Variants in TAFA5 observed in about 807,000 individuals in gnomAD.
TAFA5 encodes the protein chemokine-like protein TAFA-5.
TAFA5 carries 6 observed loss-of-function variants against 15.3 expected under a neutral mutation model. That is an observed-to-expected ratio of 0.39 (90% CI 0.21 to 0.77). The LOEUF (loss-of-function observed/expected upper bound fraction) is 0.77. TAFA5 is among the 30% of genes least tolerant of loss of function. The pLI is 0.41. For missense variants in TAFA5, 161 were observed against 193.1 expected, an observed-to-expected ratio of 0.83 and a Z score of 0.98; for synonymous variants, 103 against 80.7, an observed-to-expected ratio of 1.28 and a Z score of -1.48.
At chr22:48,596,514 A>G (rs1924768801) in intron 1 of TAFA5, among the ~76,000 whole-genome samples, 1 of 152,214 alleles carries the variant, frequency 6.6e-6, no homozygotes, top group Non-Finnish European at 1.5e-5. Flanking sequence ...TTGTAGGGTT[A>G]CAGAAAAATG....
intron 1 of TAFA5, among the ~76,000 whole-genome samples, chr22:48,536,385 C>T (rs567939330): frequency 2.7e-4 from 41 of 152,334 alleles, no homozygotes; most frequent in African/African-American, 9.6e-4. Flanking sequence ...CCATAAAAGA[C>T]GAGCCCGGAG....
chr22:48,563,492 T>C (rs777803971), intron 1 of TAFA5, among the ~76,000 whole-genome samples: 3 of 152,130 alleles, frequency 2.0e-5, no homozygotes, highest in African/African-American at 2.4e-5. Flanking sequence ...GCGGGTGGCG[T>C]GTGGGGCTCC....
intron 1 of TAFA5, among the ~76,000 whole-genome samples, chr22:48,604,552 T>G (rs1260575944): frequency 1.3e-5 from 2 of 152,220 alleles, no homozygotes; most frequent in Non-Finnish European, 2.9e-5. Flanking sequence ...TTGGGAGGAC[T>G]CCTGGGCTCT....
At position 48,742,926 on chromosome 22, in the gene TAFA5, T is replaced by C. The variant is rs1291345088; in HGVS notation, c.391-6913T>C. 6.6e-6 allele frequency among the ~76,000 whole-genome samples: 1 copy of C among 152,106 alleles called. No homozygotes were observed. Among genetic ancestry groups the C allele is most frequent in the African/African-American group, 2.4e-5 (1 of 41,424 alleles). ...ACGCGGGGCCCCCACAGTGCGGACA[T>C]GTTGGGGCAATGCTGCCTGGCCCCG... On this transcript the variant is annotated intron_variant, in intron 3 of 3. Coordinates refer to ENST00000402357, the MANE Select transcript of TAFA5 (RefSeq NM_001082967.3). The surrounding 1 kb of genome is among the most constrained non-coding windows in gnomAD (Gnocchi z 6.2).
At chr22:48,545,154 A>ACACT (rs1160746050) in intron 1 of TAFA5, 2 of 334,462 alleles carry the variant, frequency 6.0e-6, no homozygotes, top group African/African-American at 4.3e-5. Flanking sequence ...TTTGTGGGAG[A>ACACT]CACTATTCTC....
intron 1 of TAFA5, among the ~76,000 whole-genome samples, chr22:48,535,353 G>A (rs1448947546): frequency 6.6e-6 from 1 of 152,210 alleles, no homozygotes; most frequent in Non-Finnish European, 1.5e-5. Flanking sequence ...ACAGGAGTGC[G>A]TCAACAGAGG....
At chr22:48,596,663 A>G (rs1280820723) in intron 1 of TAFA5, among the ~76,000 whole-genome samples, 1 of 152,042 alleles carries the variant, frequency 6.6e-6, no homozygotes, top group Non-Finnish European at 1.5e-5. Context: ...ACCGAGGCCC[A>G]TGGTTCACAC....
chr22:48,502,850 C>T (rs1920960731), intron 1 of TAFA5, among the ~76,000 whole-genome samples: 1 of 152,228 alleles, frequency 6.6e-6, no homozygotes, highest in Admixed American at 6.5e-5. Flanking sequence ...TTCGAAAAGA[C>T]ACTTTTGCTG....
At chr22:48,687,081 G>A (rs1007831634) in intron 2 of TAFA5, among the ~76,000 whole-genome samples, 1 of 151,896 alleles carries the variant, frequency 6.6e-6, no homozygotes, top group African/African-American at 2.4e-5. Flanking sequence ...ATGGGTGGAT[G>A]GATGGATGGA....
intron 1 of TAFA5, among the ~76,000 whole-genome samples, chr22:48,549,990 C>T (rs925037008): frequency 1.3e-5 from 2 of 152,208 alleles, no homozygotes; most frequent in African/African-American, 2.4e-5. Context: ...CTGAGGCCAC[C>T]CTGTCAGGTA....
At chr22:48,699,773 G>A (rs1010082853) in intron 2 of TAFA5, among the ~76,000 whole-genome samples, 1 of 152,188 alleles carries the variant, frequency 6.6e-6, no homozygotes, top group Non-Finnish European at 1.5e-5. Flanking sequence ...TTATTGCAGC[G>A]ACTGCGAACA....
At chr22:48,620,535 G>A (rs1345452119) in intron 1 of TAFA5, among the ~76,000 whole-genome samples, 1 of 127,272 alleles carries the variant, frequency 7.9e-6, no homozygotes, top group Non-Finnish European at 1.6e-5. Flanking sequence ...TTTTGATGTT[G>A]TTGCTGAGGA....
At chr22:48,663,075 G>A (rs1010226523) in intron 2 of TAFA5, among the ~76,000 whole-genome samples, 4 of 145,822 alleles carry the variant, frequency 2.7e-5, no homozygotes, top group African/African-American at 1.0e-4. Flanking sequence ...GACGCAGGGT[G>A]GCTGGATGAG....
rs1000761851 is a variant in TAFA5 at position 48,742,580 on chromosome 22, C to T, written c.391-7259C>T. 4.7e-5 allele frequency among the ~76,000 whole-genome samples: 7 copies of T among 150,532 alleles called. No homozygotes were observed. The highest frequency in any genetic ancestry group is 2.1e-4 in the South Asian group (1 of 4,722). On this transcript the variant is annotated intron_variant, in intron 3 of 3. Transcript: ENST00000402357. The surrounding 1 kb of genome is among the most constrained non-coding windows in gnomAD (Gnocchi z 6.2). ...CCAGGCAACGTGGTAGACTGGGCAG[C>T]GTGATGGACCAGGCGACATGGTGGA...
At chr22:48,719,558 C>T (rs994491771) in intron 3 of TAFA5, among the ~76,000 whole-genome samples, 12 of 148,308 alleles carry the variant, frequency 8.1e-5, no homozygotes, top group African/African-American at 2.2e-4. Context: ...GGTGGTGGGC[C>T]GAGGTGGCCT....
At chr22:48,546,860 C>G (rs1166170508) in intron 1 of TAFA5, 1 of 286,904 alleles carries the variant, frequency 3.5e-6, no homozygotes, top group Non-Finnish European at 7.0e-6. Flanking sequence ...AGGACGATTG[C>G]GGATGGCCAC....
intron 1 of TAFA5, among the ~76,000 whole-genome samples, chr22:48,495,793 G>A (rs922766705): frequency 6.6e-6 from 1 of 152,092 alleles, no homozygotes; most frequent in African/African-American, 2.4e-5. Context: ...GGCTGCCTTC[G>A]ACCCTCCTCC....
chr22:48,669,952 T>A (rs5771704), intron 2 of TAFA5, among the ~76,000 whole-genome samples: 68,321 of 148,866 alleles, frequency 0.46, 16,309 homozygotes, highest in East Asian at 0.62. Flanking sequence ...AAATTGAAAA[T>A]TAAACAAACT....
intron 1 of TAFA5, among the ~76,000 whole-genome samples, chr22:48,585,646 CTA>C (rs369834593): frequency 3.5e-4 from 53 of 151,050 alleles, no homozygotes; most frequent in African/African-American, 1.2e-3. Context: ...CACACACACA[CTA>C]TGCATTATGC....
Sources: gnomAD v4.1 joint callset for allele counts (sites outside exome capture counted in the v4.1 genomes callset) on GRCh38, gnomAD v4.1.1 for gene constraint, Gnocchi (gnomAD v3.1) non-coding constraint, MANE v1.5 for transcripts, NCBI Gene and HGNC (gene_info 2026-07-23, HGNC 2026-07-21) for gene names.